Variants in BNC2 observed in about 807,000 individuals in gnomAD.
BNC2 encodes the protein zinc finger protein basonuclin-2.
In BNC2, 20 loss-of-function variants were observed where a neutral mutation model predicts 76.3. The observed-to-expected ratio is 0.26, with a 90% CI of 0.18 to 0.38. The LOEUF (loss-of-function observed/expected upper bound fraction) is 0.38. Among genes scored for constraint, BNC2 ranks in the 10% least tolerant of loss-of-function variants. BNC2 has a pLI of 1.00. For synonymous variants in BNC2, 582 were observed against 514.8 expected (o/e 1.13, Z -1.77); for missense variants, 1,382 against 1,399.8 (o/e 0.99, Z 0.20).
chr9:16,662,387 T>G (rs1822134592), intron 3 of BNC2, among the ~76,000 whole-genome samples: 1 of 152,218 alleles, frequency 6.6e-6, no homozygotes, highest in South Asian at 2.1e-4. Flanking sequence ...AAATAAATAC[T>G]GATTACAATG....
At chr9:16,870,531 C>G in intron 1 of BNC2, 115 bp downstream of exon 1, 2 of 1,258,914 alleles carry the variant, frequency 1.6e-6, no homozygotes, top group Non-Finnish European at 2.2e-6. Context: ...TTGCCCCTCA[C>G]GCCGCGGGCC....
intron 4 of BNC2, among the ~76,000 whole-genome samples, chr9:16,564,698 T>A (rs2132729186): frequency 6.6e-6 from 1 of 152,308 alleles, no homozygotes; most frequent in African/African-American, 2.4e-5. Flanking sequence ...TTGTGTGTCA[T>A]TTTCTCATAG....
intron 4 of BNC2, chr9:16,580,120 AAGTCATTGG>A: frequency 2.5e-6 from 1 of 398,582 alleles, no homozygotes; most frequent in Non-Finnish European, 4.4e-6. Flanking sequence ...CTCTGAGCAG[AAGTCATTGG>A]AGACACGATT....
intron 5 of BNC2, among the ~76,000 whole-genome samples, chr9:16,490,536 G>C (rs1435118571): frequency 3.3e-5 from 5 of 152,134 alleles, no homozygotes; most frequent in Non-Finnish European, 4.4e-5. Context: ...AGAAATTTTA[G>C]AGTTTTCTCA....
intron 1 of BNC2, chr9:16,775,616 TG>T (rs1451783380): frequency 1.6e-5 from 3 of 183,822 alleles, no homozygotes; most frequent in Non-Finnish European, 3.7e-5. Flanking sequence ...GGAAAGACCT[TG>T]ATCCCAGTGG....
At chr9:16,589,780 T>C (rs979494133) in intron 3 of BNC2, among the ~76,000 whole-genome samples, 1 of 152,130 alleles carries the variant, frequency 6.6e-6, no homozygotes, top group African/African-American at 2.4e-5. Context: ...AGTGCTGGAA[T>C]TACAGGCGTA....
intron 3 of BNC2, among the ~76,000 whole-genome samples, chr9:16,672,924 A>C (rs1310247853): frequency 6.6e-6 from 1 of 152,230 alleles, no homozygotes; most frequent in East Asian, 1.9e-4. Context: ...GAGTCAAAGG[A>C]ATAGAGACAA....
intron 1 of BNC2, among the ~76,000 whole-genome samples, chr9:16,765,396 T>C (rs186846626): frequency 6.6e-6 from 1 of 152,316 alleles, no homozygotes; most frequent in East Asian, 1.9e-4. Context: ...AATGAAGGGA[T>C]AAAAGCTAAA....
intron 1 of BNC2, among the ~76,000 whole-genome samples, chr9:16,780,191 G>C (rs1474451634): frequency 2.4e-5 from 3 of 123,600 alleles, no homozygotes; most frequent in South Asian, 2.7e-4. Flanking sequence ...AGCCGAGATC[G>C]CGCCACTGCA....
rs147899446 is a variant in BNC2, at chr9:16,732,310, A to G, written c.130-4313T>C. ...CTTTGAGGGGAAGGGGATATAACCTATGTTTTCTTCTTTCTACTTAATTTC... is the reference window on the plus strand; with the variant it reads ...CTTTGAGGGGAAGGGGATATAACCTGTGTTTTCTTCTTTCTACTTAATTTC... On this transcript the variant is annotated intron_variant, in intron 2 of 6. Coordinates refer to ENST00000380672, the MANE Select transcript of BNC2 (RefSeq NM_017637.6). Among the ~76,000 whole-genome samples the G allele has an allele frequency of 7.7e-3, 1,168 of 152,188 alleles. 21 individuals are homozygous for G. Among genetic ancestry groups the G allele is most frequent in the African/African-American group, 0.026 (1,093 of 41,522 alleles).
intron 1 of BNC2, among the ~76,000 whole-genome samples, chr9:16,755,395 C>CAA (rs1825352502): frequency 6.6e-6 from 1 of 152,076 alleles, no homozygotes; most frequent in Non-Finnish European, 1.5e-5. Context: ...GTCTAGATTA[C>CAA]AAGAGTAGGT....
At chr9:16,447,116 A>C (rs1197545326) in intron 5 of BNC2, among the ~76,000 whole-genome samples, 2 of 152,158 alleles carry the variant, frequency 1.3e-5, no homozygotes, top group East Asian at 1.9e-4. Flanking sequence ...TTTAATAAGA[A>C]TATCTTAGGA....
At chr9:16,616,346 C>G (rs528102869) in intron 3 of BNC2, among the ~76,000 whole-genome samples, 2 of 151,590 alleles carry the variant, frequency 1.3e-5, no homozygotes, top group South Asian at 2.1e-4. Context: ...GAGCCATGAT[C>G]ACACCACTGC....
intron 3 of BNC2, among the ~76,000 whole-genome samples, chr9:16,609,875 T>C (rs1361634255): frequency 1.3e-5 from 2 of 152,114 alleles, no homozygotes; most frequent in African/African-American, 4.8e-5. Context: ...AGGACTCCTG[T>C]CTCTTAGTAT....
intron 3 of BNC2, among the ~76,000 whole-genome samples, chr9:16,613,098 G>T (rs2133452961): frequency 6.6e-6 from 1 of 152,260 alleles, no homozygotes; most frequent in Non-Finnish European, 1.5e-5. Flanking sequence ...AGGTTAGAAA[G>T]GTAGTCTGAA....
intron 3 of BNC2, among the ~76,000 whole-genome samples, chr9:16,659,756 C>T (rs1587284499): frequency 6.6e-6 from 1 of 152,280 alleles, no homozygotes; most frequent in East Asian, 1.9e-4. Context: ...ATCTCCTCAG[C>T]GTTGCTTTTC....
intron 1 of BNC2, among the ~76,000 whole-genome samples, chr9:16,842,144 T>C (rs1205923915): frequency 6.6e-6 from 1 of 152,032 alleles, no homozygotes; most frequent in Non-Finnish European, 1.5e-5. Flanking sequence ...TTTTTTGGAG[T>C]TTTGAAGCTG....
chr9:16,808,160 T>G (rs2135814703), intron 1 of BNC2, among the ~76,000 whole-genome samples: 1 of 152,320 alleles, frequency 6.6e-6, no homozygotes, highest in South Asian at 2.1e-4. Flanking sequence ...GTTAGACGTA[T>G]TTCAATATTC....
At chr9:16,669,656 T>G (rs559427854) in intron 3 of BNC2, among the ~76,000 whole-genome samples, 1 of 152,332 alleles carries the variant, frequency 6.6e-6, no homozygotes, top group East Asian at 1.9e-4. Flanking sequence ...GATACTATGT[T>G]ATGCATTGGC....
Sources: gnomAD v4.1 joint callset for allele counts (sites outside exome capture counted in the v4.1 genomes callset) on GRCh38, gnomAD v4.1.1 for gene constraint, MANE v1.5 for transcripts, NCBI Gene and HGNC (gene_info 2026-07-23, HGNC 2026-07-21) for gene names.